PDLIM5: variants seen among roughly 807,000 people sequenced by gnomAD.
PDLIM5 encodes PDZ and LIM domain protein 5.
A neutral mutation model predicts 64.2 loss-of-function variants in PDLIM5; 34 were observed. That is an observed-to-expected ratio of 0.53 (90% CI 0.40 to 0.71). The LOEUF is 0.71. Among genes scored for constraint, PDLIM5 ranks in the 30% least tolerant of loss-of-function variants. The pLI, the probability that PDLIM5 is intolerant of heterozygous loss-of-function variation, is 0.00. For synonymous variants in PDLIM5, 253 were observed against 269.1 expected (o/e 0.94, Z 0.59); for missense variants, 683 against 733.6 (o/e 0.93, Z 0.80).
intron 8 of PDLIM5, among the ~76,000 whole-genome samples, chr4:94,634,699 C>G (rs763286328): frequency 1.3e-5 from 2 of 152,184 alleles, no homozygotes; most frequent in African/African-American, 2.4e-5. Flanking sequence ...TCACTACTGT[C>G]TTTTAAGTGT....
At chr4:94,484,556 C>T (rs934971790) in intron 2 of PDLIM5, among the ~76,000 whole-genome samples, 1 of 152,108 alleles carries the variant, frequency 6.6e-6, no homozygotes, top group Non-Finnish European at 1.5e-5. Context: ...ATTTGTATCT[C>T]ATGTCACTCT....
At chr4:94,661,221 T>G (rs1019678148) in intron 11 of PDLIM5, among the ~76,000 whole-genome samples, 24 of 152,096 alleles carry the variant, frequency 1.6e-4, no homozygotes. Flanking sequence ...AGACCCTGTC[T>G]CTACAAAAAA....
intron 2 of PDLIM5, among the ~76,000 whole-genome samples, chr4:94,490,262 A>G (rs534765615): frequency 1.3e-5 from 2 of 152,166 alleles, no homozygotes; most frequent in Admixed American, 6.5e-5. Context: ...AATGTTTTCT[A>G]TATACTTGTT....
intron 2 of PDLIM5, chr4:94,455,596 A>G: frequency 4.7e-6 from 3 of 639,390 alleles, no homozygotes; most frequent in Non-Finnish European, 8.1e-6. Context: ...GTTTTCCCCC[A>G]TGTTATCAAT....
Position 94,663,977 on chromosome 4 carries a change from G to A in PDLIM5, c.1702-1G>A, listed in dbSNP as rs1357609905. The A allele has an allele frequency of 6.3e-7, 1 of 1,594,844 alleles. No homozygotes were observed. The highest frequency in any genetic ancestry group is 1.3e-5 in the African/African-American group (1 of 74,434). Reference sequence around the variant, plus strand: ...TCTCTTAAATGCTGCTTCTTTTTCAGGTGTGTTGTGAAAGTTTGGAAGGTC... The same window carrying A: ...TCTCTTAAATGCTGCTTCTTTTTCAAGTGTGTTGTGAAAGTTTGGAAGGTC... On this transcript the variant is annotated splice_acceptor_variant, in intron 12 of 12. Transcript: ENST00000317968. LOFTEE classifies it high-confidence loss of function.
chr4:94,637,606 G>A (rs529071501), intron 8 of PDLIM5, among the ~76,000 whole-genome samples: 2 of 152,302 alleles, frequency 1.3e-5, no homozygotes, highest in East Asian at 1.9e-4. Flanking sequence ...AATTGCACAA[G>A]TTGAGTATTA....
At chr4:94,653,476 T>G (rs1334996141) in intron 9 of PDLIM5, among the ~76,000 whole-genome samples, 1 of 152,156 alleles carries the variant, frequency 6.6e-6, no homozygotes, top group East Asian at 1.9e-4. Context: ...TAGATAAGGC[T>G]TCATAATGGA....
intron 7 of PDLIM5, chr4:94,587,752 G>C (rs1222140118): frequency 2.0e-6 from 2 of 979,776 alleles, no homozygotes; most frequent in East Asian, 2.3e-4. Flanking sequence ...TCTTTGGTTT[G>C]GTTGGATTTG....
chr4:94,660,912 A>C (rs1289537808), intron 11 of PDLIM5, among the ~76,000 whole-genome samples: 1 of 66,298 alleles, frequency 1.5e-5, no homozygotes, highest in African/African-American at 4.5e-5. Context: ...GTCTTTACTA[A>C]AAATAAAAAA....
At chr4:94,517,342 T>A (rs1729451520) in intron 2 of PDLIM5, among the ~76,000 whole-genome samples, 1 of 152,206 alleles carries the variant, frequency 6.6e-6, no homozygotes, top group Non-Finnish European at 1.5e-5. Context: ...GAGAGATAAC[T>A]AGAAACTGTC....
chr4:94,567,242 C>T (rs1375788013), intron 3 of PDLIM5, among the ~76,000 whole-genome samples: 1 of 152,296 alleles, frequency 6.6e-6, no homozygotes, highest in South Asian at 2.1e-4. Context: ...ATCTGCCCAC[C>T]TTGGCCTCCC....
intron 3 of PDLIM5, among the ~76,000 whole-genome samples, chr4:94,532,886 C>A (rs1731014055): frequency 6.6e-6 from 1 of 151,968 alleles, no homozygotes; most frequent in Non-Finnish European, 1.5e-5. Flanking sequence ...CGTCTGTATT[C>A]CAGCTATTGG....
At chr4:94,462,617 A>C (rs541563334) in intron 2 of PDLIM5, among the ~76,000 whole-genome samples, 2 of 152,054 alleles carry the variant, frequency 1.3e-5, no homozygotes, top group South Asian at 4.1e-4. Context: ...ACTGACATTG[A>C]ATTTAAGTTT....
intron 3 of PDLIM5, among the ~76,000 whole-genome samples, chr4:94,552,190 C>G (rs1285413022): frequency 1.3e-5 from 2 of 152,128 alleles, no homozygotes; most frequent in East Asian, 3.9e-4. Flanking sequence ...TGTATCATCA[C>G]AGTTAACTAT....
chr4:94,553,645 C>G (rs907756104), intron 3 of PDLIM5, among the ~76,000 whole-genome samples: 5 of 152,102 alleles, frequency 3.3e-5, no homozygotes, highest in African/African-American at 1.2e-4. Flanking sequence ...ATTGTGGGCC[C>G]TAAAGAAGTG....
At chr4:94,629,628 T>C (rs1016706876) in intron 8 of PDLIM5, among the ~76,000 whole-genome samples, 3 of 152,208 alleles carry the variant, frequency 2.0e-5, no homozygotes, top group Non-Finnish European at 2.9e-5. Flanking sequence ...TAGATCCAGT[T>C]TAATCTGCGT....
chr4:94,549,500 A>C (rs1732611129), intron 3 of PDLIM5, among the ~76,000 whole-genome samples: 1 of 152,200 alleles, frequency 6.6e-6, no homozygotes, highest in South Asian at 2.1e-4. Flanking sequence ...TAAATTATTA[A>C]AGCATTAAGA....
chr4:94,550,925 A>G (rs2110209611), intron 3 of PDLIM5, among the ~76,000 whole-genome samples: 1 of 152,282 alleles, frequency 6.6e-6, no homozygotes, highest in South Asian at 2.1e-4. Flanking sequence ...ATAAAATTAA[A>G]TAGATACAGA....
chr4:94,481,757 C>T (rs912497492), intron 2 of PDLIM5, among the ~76,000 whole-genome samples: 5 of 149,988 alleles, frequency 3.3e-5, no homozygotes, highest in Admixed American at 6.7e-5. Flanking sequence ...TACAGGCGCC[C>T]GCCACCACAC....
Sources: gnomAD v4.1 joint callset for allele counts (sites outside exome capture counted in the v4.1 genomes callset) on GRCh38, gnomAD v4.1.1 for gene constraint, MANE v1.5 for transcripts, NCBI Gene and HGNC (gene_info 2026-07-23, HGNC 2026-07-21) for gene names.